The following DIAPH2 variants were observed in gnomAD, a reference collection of about 807,000 sequenced individuals.
The protein encoded by DIAPH2 is protein diaphanous homolog 2.
DIAPH2 carries 35 observed loss-of-function variants against 92.7 expected under a neutral mutation model. The observed-to-expected ratio is 0.38, with a 90% CI of 0.29 to 0.50. The LOEUF is 0.50. Ranked by LOEUF, DIAPH2 falls within the 20% of genes least tolerant of loss-of-function variation. The probability of loss-of-function intolerance (pLI) is 0.94; values close to 1 mark genes in which losing one functional copy is unlikely to be tolerated. For synonymous variants in DIAPH2, 301 were observed against 280.4 expected, an observed-to-expected ratio of 1.07 and a Z score of -0.73; for missense variants, 701 against 819.5, an observed-to-expected ratio of 0.86 and a Z score of 1.77.
intron 23 of DIAPH2, among the ~76,000 whole-genome samples, chrX:97,264,766 A>G (rs927126061): frequency 9.0e-6 from 1 of 111,715 alleles, no homozygotes; most frequent in African/African-American, 3.3e-5. Context: ...TGGGTGGATC[A>G]CGAGGTCAAG....
At chrX:97,269,413 C>T (rs536605072) in intron 23 of DIAPH2, among the ~76,000 whole-genome samples, 38 of 112,421 alleles carry the variant, frequency 3.4e-4, no homozygotes, top group African/African-American at 1.2e-3. Flanking sequence ...CCTTCAGAAA[C>T]ACTCTGTGGA....
intron 17 of DIAPH2, among the ~76,000 whole-genome samples, chrX:97,070,645 GC>G (rs2066663443): frequency 8.9e-6 from 1 of 111,817 alleles, no homozygotes; most frequent in African/African-American, 3.2e-5. Context: ...AGTTCTGAAA[GC>G]CTGTCTAGTT....
chrX:97,376,331 C>A (rs961462614), intron 24 of DIAPH2, among the ~76,000 whole-genome samples: 5 of 112,056 alleles, frequency 4.5e-5, no homozygotes, highest in South Asian at 3.8e-4. Flanking sequence ...TTACCTCTAT[C>A]TTTTTTCTCT....
At chrX:97,512,887 T>C (rs1202729771) in intron 26 of DIAPH2, among the ~76,000 whole-genome samples, 1 of 2,916 alleles carries the variant, frequency 3.4e-4, no homozygotes, top group African/African-American at 5.5e-4. Flanking sequence ...TTTGTTATAA[T>C]TTCTGTTCTT....
At chrX:96,962,490 C>CAT (rs1184858557) in intron 16 of DIAPH2, among the ~76,000 whole-genome samples, 3 of 48,938 alleles carry the variant, frequency 6.1e-5, no homozygotes, top group African/African-American at 3.6e-4. Context: ...CACACACACA[C>CAT]ACACACATAT....
chrX:96,789,872 A>G (rs2064486512), intron 4 of DIAPH2, among the ~76,000 whole-genome samples: 1 of 110,662 alleles, frequency 9.0e-6, no homozygotes, highest in Non-Finnish European at 1.9e-5. Context: ...TAGTTGTTTG[A>G]GTTCCATATA....
chrX:97,463,205 C>T (rs1177246576), intron 26 of DIAPH2, among the ~76,000 whole-genome samples: 2 of 108,334 alleles, frequency 1.8e-5, no homozygotes. Context: ...CTAACTGCTC[C>T]TTCTACCTCC....
intron 17 of DIAPH2, among the ~76,000 whole-genome samples, chrX:97,037,548 G>T (rs17003776): frequency 9.0e-6 from 1 of 111,208 alleles, no homozygotes; most frequent in Non-Finnish European, 1.9e-5. Context: ...TTTATATGAC[G>T]CAATTGCAAT....
chrX:96,883,716 G>GA (rs1025236283), intron 5 of DIAPH2, among the ~76,000 whole-genome samples: 1 of 110,868 alleles, frequency 9.0e-6, no homozygotes, highest in Non-Finnish European at 1.9e-5. Context: ...ATGAACAGGG[G>GA]ACGTGAGTTC....
At chrX:96,763,142 T>C (rs2064279242) in intron 4 of DIAPH2, 1 of 936,659 alleles carries the variant, frequency 1.1e-6, no homozygotes. Context: ...AGATGTGTTT[T>C]ACCCTTAGAT....
In DIAPH2 at chrX:96,699,731, C is replaced by T. The variant is rs1238066402; in HGVS notation, c.132+14541C>T. Among the ~76,000 whole-genome samples the T allele has an allele frequency of 4.5e-5, 5 of 111,701 alleles. No individual in the cohort carries two copies. In the East Asian group the frequency reaches 8.4e-4, roughly 19 times the overall value. On this transcript the variant is annotated intron_variant, in intron 1 of 26. Coordinates refer to ENST00000324765, the MANE Select transcript of DIAPH2 (RefSeq NM_006729.5). ...TCTATTCAGACAGGGTCAGCTAATC[C>T]CTGTCTTCATGGAAGCATGGTTTGT...
chrX:97,506,579 G>A (rs1195050799), intron 26 of DIAPH2, among the ~76,000 whole-genome samples: 1 of 106,692 alleles, frequency 9.4e-6, no homozygotes, highest in Non-Finnish European at 1.9e-5. Context: ...ATTTATCCAT[G>A]AGTTCCAAAA....
chrX:97,110,461 C>G (rs963029585), intron 20 of DIAPH2, among the ~76,000 whole-genome samples: 83 of 111,280 alleles, frequency 7.5e-4, no homozygotes, highest in African/African-American at 2.5e-3. Flanking sequence ...TGAGAGGGAT[C>G]AAGGAGAACA....
intron 22 of DIAPH2, among the ~76,000 whole-genome samples, chrX:97,168,143 G>A (rs1279654083): frequency 3.8e-5 from 4 of 105,803 alleles, no homozygotes; most frequent in Non-Finnish European, 7.7e-5. Flanking sequence ...GGAGTGTAGT[G>A]GCATGATCTT....
chrX:96,717,577 A>C (rs1371669338), intron 1 of DIAPH2, among the ~76,000 whole-genome samples: 2 of 100,478 alleles, frequency 2.0e-5, no homozygotes, highest in African/African-American at 7.3e-5. Context: ...GCCTGATATT[A>C]ATACAGCCAC....
chrX:96,973,788 C>T (rs767086582), intron 17 of DIAPH2, among the ~76,000 whole-genome samples: 1 of 104,596 alleles, frequency 9.6e-6, no homozygotes, highest in Non-Finnish European at 1.9e-5. Context: ...CTCCACCTCA[C>T]GGGTTCAAGT....
At chrX:97,022,760 A>G (rs1029748681) in intron 17 of DIAPH2, among the ~76,000 whole-genome samples, 5 of 112,021 alleles carry the variant, frequency 4.5e-5, no homozygotes, top group Non-Finnish European at 9.4e-5. Flanking sequence ...GTTCCTTAAA[A>G]TGTTAGTATG....
intron 4 of DIAPH2, among the ~76,000 whole-genome samples, chrX:96,781,608 A>G (rs2064418286): frequency 9.0e-6 from 1 of 111,014 alleles, no homozygotes; most frequent in Non-Finnish European, 1.9e-5. Context: ...GTCTAAAATA[A>G]TTTTTCGGTC....
chrX:96,881,561 T>C lies in DIAPH2; in HGVS notation c.448-18T>C. On this transcript the variant is annotated intron_variant, in intron 4 of 26. Coordinates refer to ENST00000324765, the MANE Select transcript of DIAPH2 (RefSeq NM_006729.5). Reference sequence around the variant, plus strand: ...TTTTGAAACATTGTCTAAAATGGTCTCTTTGTTTATTTTATAGGGTGGGCT... The same window carrying C: ...TTTTGAAACATTGTCTAAAATGGTCCCTTTGTTTATTTTATAGGGTGGGCT... 8.5e-7 allele frequency: 1 copy of C among 1,182,579 alleles called. No homozygotes were observed. The highest frequency in any genetic ancestry group is 1.1e-6 in the Non-Finnish European group (1 of 882,205).
Sources: gnomAD v4.1 joint callset for allele counts (sites outside exome capture counted in the v4.1 genomes callset) on GRCh38, gnomAD v4.1.1 for gene constraint, MANE v1.5 for transcripts, NCBI Gene and HGNC (gene_info 2026-07-23, HGNC 2026-07-21) for gene names.